CELF2: variants seen among roughly 807,000 people sequenced by gnomAD.
CELF2 encodes CUG triplet repeat RNA-binding protein 2.
In CELF2, 8 loss-of-function variants were observed where a neutral mutation model predicts 62.6. That is an observed-to-expected ratio of 0.13 (90% confidence interval 0.07 to 0.23). CELF2 has a LOEUF of 0.23. Among genes scored for constraint, CELF2 ranks in the 10% least tolerant of loss-of-function variants. The pLI is 1.00. For missense variants in CELF2, 333 were observed against 671.0 expected, an observed-to-expected ratio of 0.50 and a Z score of 5.56; for synonymous variants, 258 against 250.0, an observed-to-expected ratio of 1.03 and a Z score of -0.30.
chr10:10,706,517 G>T, the CELF2 span, among the ~76,000 whole-genome samples: 3 of 152,150 alleles, frequency 2.0e-5, no homozygotes, highest in South Asian at 6.2e-4. Flanking sequence ...AATAAAGAAA[G>T]GCCTATGACC....
At chr10:10,715,012 A>G in the CELF2 span, among the ~76,000 whole-genome samples, 1 of 152,186 alleles carries the variant, frequency 6.6e-6, no homozygotes, top group African/African-American at 2.4e-5. Context: ...CTTAGAGATT[A>G]TTATTGGACC....
At chr10:11,202,885 TCC>T (rs2135312838) in intron 2 of CELF2, among the ~76,000 whole-genome samples, 1 of 141,778 alleles carries the variant, frequency 7.1e-6, no homozygotes, top group East Asian at 2.2e-4. Flanking sequence ...ATGCCTGCCT[TCC>T]CACCCCCATC....
At chr10:11,033,394 A>AT (rs2060451056) in intron 1 of CELF2, among the ~76,000 whole-genome samples, 1 of 151,810 alleles carries the variant, frequency 6.6e-6, no homozygotes, top group Non-Finnish European at 1.5e-5. Context: ...AGTACCTGGG[A>AT]TTACAGGCAT....
At position 11,178,447 on chromosome 10, in the gene CELF2, C is replaced by T. The variant is rs2072044713; in HGVS notation, c.271+12765C>T. On this transcript the variant is annotated intron_variant, in intron 2 of 12. Transcript: ENST00000633077. The surrounding 1 kb of genome is among the most constrained non-coding windows in gnomAD (Gnocchi z 4.3). ...CCGAGAGCCAAGGCTTTGCTCTAAT[C>T]TCTGTGAAGGAAGAAAAAGACTTGG... 1.3e-5 allele frequency among the ~76,000 whole-genome samples: 2 copies of T among 152,214 alleles called. No homozygotes were observed. The highest frequency in any genetic ancestry group is 2.9e-5 in the Non-Finnish European group (2 of 68,040).
At chr10:10,610,970 C>G in the CELF2 span, among the ~76,000 whole-genome samples, 1 of 152,158 alleles carries the variant, frequency 6.6e-6, no homozygotes, top group Non-Finnish European at 1.5e-5. Flanking sequence ...GAGGATTACA[C>G]TACTTTCTGT....
At chr10:10,535,448 G>A in the CELF2 span, among the ~76,000 whole-genome samples, 2 of 152,276 alleles carry the variant, frequency 1.3e-5, no homozygotes, top group African/African-American at 4.8e-5. Context: ...GACCGGGTGC[G>A]GTGGCTCACA....
chr10:11,278,709 G>T (rs557910299), intron 8 of CELF2, among the ~76,000 whole-genome samples: 2 of 152,114 alleles, frequency 1.3e-5, no homozygotes, highest in Non-Finnish European at 2.9e-5. Flanking sequence ...CTACATTACG[G>T]TTGGAAAAAG....
At chr10:11,194,869 A>G (rs1023125254) in intron 2 of CELF2, among the ~76,000 whole-genome samples, 1 of 152,220 alleles carries the variant, frequency 6.6e-6, no homozygotes, top group Admixed American at 6.5e-5. Context: ...TTATAGTACC[A>G]TCTGGGTTAC....
chr10:11,135,862 G>A (rs1425792109), intron 1 of CELF2, among the ~76,000 whole-genome samples: 3 of 152,178 alleles, frequency 2.0e-5, no homozygotes, highest in Non-Finnish European at 4.4e-5. Context: ...GCGGTGGTGG[G>A]GAAGGGTACA....
chr10:10,764,065 GTTC>G, the CELF2 span, among the ~76,000 whole-genome samples: 4 of 152,330 alleles, frequency 2.6e-5, no homozygotes, highest in East Asian at 3.9e-4. Flanking sequence ...TCAGCCATTT[GTTC>G]TTCTTAGTAA....
At chr10:11,074,545 T>A (rs2071257451) in intron 1 of CELF2, among the ~76,000 whole-genome samples, 1 of 152,248 alleles carries the variant, frequency 6.6e-6, no homozygotes, top group African/African-American at 2.4e-5. Flanking sequence ...TTTTTTGGTT[T>A]GCCTAATTAA....
At chr10:10,610,677 C>T in the CELF2 span, among the ~76,000 whole-genome samples, 184 of 152,294 alleles carry the variant, frequency 1.2e-3, 1 homozygote, top group African/African-American at 4.1e-3. Flanking sequence ...ACTGTCCTTC[C>T]ATGCTAATAA....
chr10:10,570,038 G>GGAA, the CELF2 span, among the ~76,000 whole-genome samples: 1 of 152,140 alleles, frequency 6.6e-6, no homozygotes. Flanking sequence ...CTAGATAACA[G>GGAA]GAAGAAGAAA....
In CELF2 at chr10:11,270,178, A is replaced by G. The variant is rs1383476598; in HGVS notation, c.619-488A>G. Among the ~76,000 whole-genome samples the G allele has an allele frequency of 1.3e-5, 2 of 152,264 alleles. No individual in the cohort carries two copies. The highest frequency in any genetic ancestry group is 1.3e-4 in the Admixed American group (2 of 15,294). ...TGTCACAATCCCAAAGTTCACAGATACATAACTGAAAACGGGAAAGAGTAA... is the reference window on the plus strand; with the variant it reads ...TGTCACAATCCCAAAGTTCACAGATGCATAACTGAAAACGGGAAAGAGTAA... On this transcript the variant is annotated intron_variant, in intron 6 of 12. Coordinates refer to ENST00000633077, the MANE Select transcript of CELF2 (RefSeq NM_001326342.2). This position sits in a 1 kb window ranked among gnomAD's most constrained non-coding sequence, Gnocchi z 5.8.
intron 2 of CELF2, among the ~76,000 whole-genome samples, chr10:11,200,585 C>G (rs1441729199): frequency 6.6e-6 from 1 of 152,182 alleles, no homozygotes; most frequent in Non-Finnish European, 1.5e-5. Context: ...CATGACTTAC[C>G]CAGGAACATG....
Position 11,315,101 on chromosome 10 carries a change from G to A in CELF2, c.1096+843G>A, listed in dbSNP as rs529439613. ...GAGCAGTGTGCCGGCCAGAGGATAA[G>A]TCGTGTTTTAGATTCATGCTCGGTG... is the stretch of plus-strand genomic sequence containing the variant. On this transcript the variant is annotated intron_variant, in intron 10 of 12. Transcript: ENST00000633077. This position sits in a 1 kb window ranked among gnomAD's most constrained non-coding sequence, Gnocchi z 5.8. Among the ~76,000 whole-genome samples the A allele has an allele frequency of 1.3e-5, 2 of 152,292 alleles. No individual in the cohort carries two copies. The highest frequency in any genetic ancestry group is 4.1e-4 in the South Asian group (2 of 4,830).
chr10:11,019,044 AAGGT>A (rs942072738), intron 1 of CELF2, among the ~76,000 whole-genome samples: 1 of 152,184 alleles, frequency 6.6e-6, no homozygotes, highest in Admixed American at 6.5e-5. Context: ...TCGTCAAACT[AAGGT>A]AGAGCGTTTA....
chr10:10,890,908 G>A (rs531729226), intron 1 of CELF2, among the ~76,000 whole-genome samples: 4 of 152,170 alleles, frequency 2.6e-5, no homozygotes, highest in African/African-American at 7.2e-5. Context: ...CCAGCTACTC[G>A]GGAGGCTGAG....
intron 1 of CELF2, among the ~76,000 whole-genome samples, chr10:11,068,472 G>A (rs947314354): frequency 2.6e-5 from 4 of 152,262 alleles, no homozygotes; most frequent in Non-Finnish European, 5.9e-5. Context: ...TTTATGAGAT[G>A]CCTTAAGTGC....
Sources: gnomAD v4.1 joint callset for allele counts (sites outside exome capture counted in the v4.1 genomes callset) on GRCh38, gnomAD v4.1.1 for gene constraint, Gnocchi (gnomAD v3.1) non-coding constraint, MANE v1.5 for transcripts, NCBI Gene and HGNC (gene_info 2026-07-23, HGNC 2026-07-21) for gene names.